CEP250: variants seen among roughly 807,000 people sequenced by gnomAD.
CEP250 encodes the protein centrosome-associated protein CEP250.
CEP250 carries 242 observed loss-of-function variants against 315.7 expected under a neutral mutation model. The ratio of observed to expected loss-of-function variants is 0.77; its 90% confidence interval spans 0.69 to 0.85. CEP250 has a LOEUF of 0.85. CEP250 is among the 40% of genes least tolerant of loss of function. The probability of loss-of-function intolerance (pLI) is 0.00; values close to 1 mark genes in which losing one functional copy is unlikely to be tolerated. For missense variants in CEP250, 2,515 were observed against 2,886.4 expected (o/e 0.87, Z 2.95); for synonymous variants, 1,088 against 1,175.0 (o/e 0.93, Z 1.51).
At position 35,476,570 on chromosome 20, in the gene CEP250, T is replaced by C. The variant is rs779500150; in HGVS notation, c.1838T>C (p.Val613Ala). 5 of 1,613,594 alleles carry C rather than the reference T, an allele frequency of 3.1e-6. No individual in the cohort carries two copies. The highest frequency in any genetic ancestry group is 1.1e-5 in the South Asian group (1 of 91,078). The change falls in exon 16 of 35, where the codon GTT becomes GCT. Residue 613 changes from valine to alanine, a missense_variant. Val to Ala is a moderately conservative substitution (Grantham distance 64). Coordinates refer to ENST00000397527, the MANE Select transcript of CEP250 (RefSeq NM_007186.6). Reference sequence around the variant, plus strand: ...AATGAGGCTTTGGCGTTAGATAAAGTTGGGCTGAACCAGCAGCTTCTCCAG... The same window carrying C: ...AATGAGGCTTTGGCGTTAGATAAAGCTGGGCTGAACCAGCAGCTTCTCCAG... Reference protein sequence around the residue: ...ALNEALALDKVGLNQQLLQLE... With the variant: ...ALNEALALDKAGLNQQLLQLE...
intron 14 of CEP250, 134 bp from the exon 15 acceptor site, chr20:35,475,368 A>G (rs1340957038): frequency 2.2e-6 from 2 of 917,808 alleles, no homozygotes; most frequent in Non-Finnish European, 3.3e-6. Context: ...GACATGTCTT[A>G]GAAATCTTTC....
chr20:35,460,207 G>C (rs2062723174), intron 3 of CEP250, 102 bp downstream of exon 3: 1 of 152,202 alleles, frequency 6.6e-6, no homozygotes, highest in Admixed American at 6.5e-5. Flanking sequence ...AAGAGGCCTG[G>C]AGTACTGGTG....
intron 25 of CEP250, among the ~76,000 whole-genome samples, chr20:35,497,067 A>G (rs2063858782): frequency 6.6e-6 from 1 of 152,198 alleles, no homozygotes. Flanking sequence ...GAAATACTCC[A>G]GATCAGGCAG....
At position 35,475,619 on chromosome 20, in the gene CEP250, A is replaced by C. The variant is rs752059639; in HGVS notation, c.1689A>C (p.Gln563His). 2.4e-5 allele frequency: 39 copies of C among 1,613,976 alleles called. No individual in the cohort carries two copies. Among genetic ancestry groups the C allele is most frequent in the Admixed American group, 6.7e-5 (4 of 60,026 alleles). ...AAGGGGAGTTACTGAGGCAAGAGCA[A>C]ACGGAAGTGACCGCAGCGCTGGCTA... ...HLEGELLRQE[Q>H]TEVTAALARA... is the part of the protein sequence containing the mutation. Residue 563 changes from glutamine to histidine, a missense_variant, in exon 15 of 35, where the codon CAA becomes CAC. Coordinates refer to ENST00000397527, the MANE Select transcript of CEP250 (RefSeq NM_007186.6).
chr20:35,500,615 G>T (rs1322538785), intron 28 of CEP250, among the ~76,000 whole-genome samples: 2 of 152,204 alleles, frequency 1.3e-5, no homozygotes, highest in Non-Finnish European at 2.9e-5. Flanking sequence ...GGGGCTGGCA[G>T]CAGCAGGGAG....
Position 35,504,394 on chromosome 20 carries a change from C to T in CEP250, c.6025C>T (p.Gln2009Ter), listed in dbSNP as rs1279039672. Residue 2009 changes from glutamine (Q) to a stop codon, truncating the protein, a stop_gained, in exon 30 of 35, where the codon CAG (glutamine) becomes TAG (stop). Coordinates refer to ENST00000397527, the MANE Select transcript of CEP250 (RefSeq NM_007186.6). LOFTEE classifies it high-confidence loss of function. ...CCTGCAAGCCTCCCTGGATGCCTGC[C>T]AGGCACACAGTCGGCAGCTGGAGGA... ...ATLQASLDAC[Q>*]AHSRQLEEAL... 1 of 1,603,916 alleles carries T rather than the reference C, an allele frequency of 6.2e-7. No homozygotes were observed. The highest frequency in any genetic ancestry group is 8.5e-7 in the Non-Finnish European group (1 of 1,175,314).
Position 35,467,332 on chromosome 20 carries a change from G to C in CEP250, c.628G>C (p.Val210Leu), listed in dbSNP as rs772751738. The C allele has an allele frequency of 1.2e-6, 2 of 1,613,954 alleles. No individual in the cohort carries two copies. Among genetic ancestry groups the C allele is most frequent in the African/African-American group, 2.7e-5 (2 of 74,924 alleles). Residue 210 changes from valine (V) to leucine (L), a missense_variant, in exon 9 of 35, where the codon GTG becomes CTG. Coordinates refer to ENST00000397527, the MANE Select transcript of CEP250 (RefSeq NM_007186.6). ...RDLMELKAEH[V>L]RLSGSLLTCC... is the part of the protein sequence containing the mutation. ...TCTGATGGAGCTAAAAGCTGAGCAT[G>C]TGAGGCTTTCAGGGTCTCTGTTGAC...
chr20:35,457,359 G>A (rs1265756247), intron 1 of CEP250, among the ~76,000 whole-genome samples: 2 of 152,002 alleles, frequency 1.3e-5, no homozygotes, highest in African/African-American at 4.8e-5. Flanking sequence ...GTGTTATGTG[G>A]AGAGGTGATA....
At chr20:35,456,786 C>CT (rs3838370) in intron 1 of CEP250, among the ~76,000 whole-genome samples, 46,740 of 141,262 alleles carry the variant, frequency 0.33, 8,629 homozygotes, top group African/African-American at 0.5. Context: ...CCTCCCCCCA[C>CT]TTTTTTTTTT....
At chr20:35,495,509 CA>C (rs2063811907) in intron 24 of CEP250, among the ~76,000 whole-genome samples, 1 of 152,108 alleles carries the variant, frequency 6.6e-6, no homozygotes, top group Non-Finnish European at 1.5e-5. Context: ...ACTGTAATCC[CA>C]GCACTTTGGG....
At chr20:35,471,381 G>A (rs749380459) in intron 10 of CEP250, among the ~76,000 whole-genome samples, 12 of 152,186 alleles carry the variant, frequency 7.9e-5, no homozygotes, top group Non-Finnish European at 1.6e-4. Context: ...GGGGCTGGGT[G>A]TGGCCCATTT....
intron 3 of CEP250, among the ~76,000 whole-genome samples, chr20:35,461,882 G>GTTAA (rs2062764700): frequency 6.6e-6 from 1 of 152,190 alleles, no homozygotes; most frequent in Admixed American, 6.5e-5. Flanking sequence ...TCCCAGGCTG[G>GTTAA]GTTCTCTTCC....
At position 35,472,743 on chromosome 20, in the gene CEP250, G is replaced by C; in HGVS notation, c.1121G>C (p.Ser374Thr). 1 of 1,614,130 alleles carries C rather than the reference G, an allele frequency of 6.2e-7. No individual in the cohort carries two copies. The highest frequency in any genetic ancestry group is 2.2e-5 in the East Asian group (1 of 44,870). ...GHENSLELDS[S>T]IFSQFDYQDA... Reference sequence around the variant, plus strand: ...GAGAACTCTTTGGAATTGGACTCTAGTATCTTCTCCCAGTTTGATTACCAG... The same window carrying C: ...GAGAACTCTTTGGAATTGGACTCTACTATCTTCTCCCAGTTTGATTACCAG... Residue 374 changes from serine (S) to threonine (T), a missense_variant, in exon 12 of 35, where the codon AGT becomes ACT. Transcript: ENST00000397527.
Position 35,500,042 on chromosome 20 carries a change from T to C in CEP250, c.3778-7T>C, listed in dbSNP as rs758827074. ...ACTCACGTTTAGCCATGCCCTTCCT[T>C]TCCCAGGATGTTCTGAGGGATCAGG... On this transcript the variant is annotated splice_region_variant and splice_polypyrimidine_tract_variant and intron_variant, in intron 27 of 34. Coordinates refer to ENST00000397527, the MANE Select transcript of CEP250 (RefSeq NM_007186.6). The C allele has an allele frequency of 1.9e-6, 3 of 1,613,946 alleles. No homozygotes were observed. The South Asian group carries it at 3.3e-5, about 18-fold the overall frequency.
rs1172087840 is a variant in CEP250 at position 35,503,584 on chromosome 20, G to A, written c.5215G>A (p.Glu1739Lys). 1 of 1,614,118 alleles carries A rather than the reference G, an allele frequency of 6.2e-7. No homozygotes were observed. The highest frequency in any genetic ancestry group is 1.1e-5 in the South Asian group (1 of 91,070). ...LILRDKEKEV[E>K]CQQEHIHELQ... ...CCTGCGTGATAAGGAGAAGGAGGTG[G>A]AATGTCAGCAGGAGCATATCCATGA... Residue 1739 changes from glutamate (E) to lysine (K), a missense_variant, in exon 30 of 35, where the codon GAA (glutamate) becomes AAA (lysine). Physicochemically the swap from Glu to Lys is moderately conservative, Grantham distance 56. Transcript: ENST00000397527. The surrounding 1 kb of genome is among the most constrained non-coding windows in gnomAD (Gnocchi z 4.2).
In CEP250 at chr20:35,475,628, G is replaced by T; in HGVS notation, c.1698G>T (p.Val566=). The change falls in exon 15 of 35, where the codon GTG becomes GTT. Residue 566 remains valine (V), a synonymous_variant. Transcript: ENST00000397527. ...TACTGAGGCAAGAGCAAACGGAAGT[G>T]ACCGCAGCGCTGGCTAGGGTGCGTG... The part of the protein sequence containing the change: ...GELLRQEQTE[V]TAALARAEQS... 1 of 1,613,846 alleles carries T rather than the reference G, an allele frequency of 6.2e-7. No individual in the cohort carries two copies. Among genetic ancestry groups the T allele is most frequent in the South Asian group, 1.1e-5 (1 of 91,028 alleles).
Position 35,479,969 on chromosome 20 carries a change from A to G in CEP250, c.2417-7A>G, listed in dbSNP as rs2063298310. On this transcript the variant is annotated splice_polypyrimidine_tract_variant and splice_region_variant and intron_variant, in intron 19 of 34. Transcript: ENST00000397527. ...GCGGAGGCCTGATCCTGTCCCTGGC[A>G]TGTTAGGGGAAGTGAGGTGCCTGAA... is the stretch of plus-strand genomic sequence containing the variant. The G allele has an allele frequency of 1.2e-6, 2 of 1,613,152 alleles. No individual in the cohort carries two copies. Among genetic ancestry groups the G allele is most frequent in the African/African-American group, 1.3e-5 (1 of 74,916 alleles).
intron 15 of CEP250, among the ~76,000 whole-genome samples, 160 bp downstream of exon 15, chr20:35,475,806 A>G (rs2063157096): frequency 6.6e-6 from 1 of 152,190 alleles, no homozygotes; most frequent in South Asian, 2.1e-4. Flanking sequence ...CTATATTGGA[A>G]TTAGAATGGG....
At chr20:35,458,479 C>G (rs2062681199) in intron 2 of CEP250, 105 bp downstream of exon 2, 1 of 152,180 alleles carries the variant, frequency 6.6e-6, no homozygotes, top group Non-Finnish European at 1.5e-5. Flanking sequence ...ATGAATCTTT[C>G]CCTTTTTCCT....
Sources: gnomAD v4.1 joint callset for allele counts (sites outside exome capture counted in the v4.1 genomes callset) on GRCh38, gnomAD v4.1.1 for gene constraint, Gnocchi (gnomAD v3.1) non-coding constraint, MANE v1.5 for transcripts, NCBI Gene and HGNC (gene_info 2026-07-23, HGNC 2026-07-21) for gene names.